The following HIF1A variants were observed in gnomAD, a reference collection of about 807,000 sequenced individuals.
The protein encoded by HIF1A is hypoxia-inducible factor 1-alpha.
A neutral mutation model predicts 92.7 loss-of-function variants in HIF1A; 24 were observed. The observed-to-expected ratio is 0.26, with a 90% CI of 0.19 to 0.36. HIF1A has a LOEUF of 0.36. HIF1A is among the 10% of genes least tolerant of loss of function. HIF1A has a pLI of 1.00. For missense variants in HIF1A, 799 were observed against 998.5 expected (o/e 0.80, Z 2.69); for synonymous variants, 319 against 338.7 (o/e 0.94, Z 0.64).
At chr14:61,735,839 C>G (rs1178426590) in intron 8 of HIF1A, among the ~76,000 whole-genome samples, 1 of 152,106 alleles carries the variant, frequency 6.6e-6, no homozygotes, top group African/African-American at 2.4e-5. Context: ...TAGATCATGC[C>G]TCACATATTG....
intron 1 of HIF1A, among the ~76,000 whole-genome samples, chr14:61,711,237 G>C (rs1290589596): frequency 8.7e-6 from 1 of 115,442 alleles, no homozygotes; most frequent in Non-Finnish European, 1.6e-5. Context: ...TTTTGAGACA[G>C]TGTCTTGCTC....
In HIF1A at chr14:61,747,440, A is replaced by G. The variant is rs1279938106; in HGVS notation, c.*355A>G. The G allele has an allele frequency of 1.9e-5, 3 of 160,082 alleles. No homozygotes were observed. In the East Asian group the frequency reaches 5.4e-4, roughly 29 times the overall value. The allele number at this position is 160,082 out of a possible 1,614,324, so 9.9% of individuals were successfully genotyped here. A position where few individuals can be genotyped will look rare whatever the true frequency, so the allele number is the denominator to read the frequency against. The stretch of plus-strand genomic sequence containing the variant: ...GCCAATATAATTTTTGTAAGAAGGC[A>G]GTAACCTTTCATCATGATCATAGGC... On this transcript the variant is annotated 3_prime_UTR_variant, in exon 15 of 15. Transcript: ENST00000337138.
At chr14:61,700,777 C>T (rs948005299) in intron 1 of HIF1A, among the ~76,000 whole-genome samples, 1 of 152,230 alleles carries the variant, frequency 6.6e-6, no homozygotes, top group Non-Finnish European at 1.5e-5. Flanking sequence ...TATTTCTCCA[C>T]ATCCTTCTAA....
intron 1 of HIF1A, among the ~76,000 whole-genome samples, chr14:61,712,275 A>G (rs1448022319): frequency 6.6e-6 from 1 of 152,040 alleles, no homozygotes; most frequent in Non-Finnish European, 1.5e-5. Context: ...CTAGGAGGCA[A>G]TGTGTTTGAA....
At chr14:61,729,628 T>C (rs191113515) in intron 6 of HIF1A, among the ~76,000 whole-genome samples, 4 of 152,306 alleles carry the variant, frequency 2.6e-5, no homozygotes, top group East Asian at 3.9e-4. Context: ...ACTACTAGCA[T>C]GTAAATGTAT....
chr14:61,718,216 G>T lies in HIF1A; in HGVS notation c.36-2166G>T, dbSNP rs566742528. 4.6e-5 allele frequency among the ~76,000 whole-genome samples: 7 copies of T among 152,260 alleles called. No individual in the cohort carries two copies. The South Asian group carries it at 1.5e-3, about 32-fold the overall frequency. On this transcript the variant is annotated intron_variant, in intron 1 of 14. Transcript: ENST00000337138. Reference sequence around the variant, plus strand: ...GCCTGTAATTTGAGCCCTTTGTGAGGCTGAGGCAGGAGAATTGCTTGAGCT... The same window carrying T: ...GCCTGTAATTTGAGCCCTTTGTGAGTCTGAGGCAGGAGAATTGCTTGAGCT...
rs371189823 is a variant in HIF1A at position 61,740,540 on chromosome 14, T to G, written c.1572T>G (p.Asp524Glu). The change falls in exon 11 of 15, where the codon GAT becomes GAG. Residue 524 changes from aspartate (D) to glutamate (E), a missense_variant. Physicochemically the swap from Asp to Glu is conservative, Grantham distance 45 (BLOSUM62 2). Coordinates refer to ENST00000337138, the MANE Select transcript of HIF1A (RefSeq NM_001530.4). The stretch of plus-strand genomic sequence containing the variant: ...CCAGTGAATATTGTTTTTATGTGGA[T>G]AGTGATATGGTCAATGAATTCAAGT... Reference protein sequence around the residue: ...NSPSEYCFYVDSDMVNEFKLE... With the variant: ...NSPSEYCFYVESDMVNEFKLE... 4 of 1,595,136 alleles carry G rather than the reference T, an allele frequency of 2.5e-6. No homozygotes were observed. In the African/African-American group the frequency reaches 5.4e-5, roughly 22 times the overall value.
intron 1 of HIF1A, chr14:61,697,851 A>T: frequency 6.6e-7 from 1 of 1,509,882 alleles, no homozygotes; most frequent in Admixed American, 2.3e-5. Flanking sequence ...TTCATTTTAA[A>T]TGAGCTCCCA....
At chr14:61,724,364 T>TCTCTCTCC (rs2044474536) in intron 4 of HIF1A, among the ~76,000 whole-genome samples, 1 of 149,214 alleles carries the variant, frequency 6.7e-6, no homozygotes, top group Non-Finnish European at 1.5e-5. Flanking sequence ...TCTCTCTCTC[T>TCTCTCTCC]CTCTCTCTCT....
At position 61,747,146 on chromosome 14, in the gene HIF1A, AT is replaced by A. The variant is rs750111993; in HGVS notation, c.*64del. ...GGTGGCTCATTACCTAAAGCAGTCT[AT>A]TTATATTTTCTACATCTAATTTTAG... On this transcript the variant is annotated 3_prime_UTR_variant, in exon 15 of 15. Coordinates refer to ENST00000337138, the MANE Select transcript of HIF1A (RefSeq NM_001530.4). 608 of 1,422,516 alleles carry A rather than the reference AT, an allele frequency of 4.3e-4. 4 individuals are homozygous for A. The highest frequency in any genetic ancestry group is 2.0e-3 in the South Asian group (143 of 71,720). 88.1% of individuals were successfully genotyped at this position (1,422,516 alleles called of 1,614,324 possible).
At chr14:61,740,720 C>T (rs754848431) in intron 11 of HIF1A, 35 bp from the exon 12 acceptor site, 3 of 1,566,114 alleles carry the variant, frequency 1.9e-6, no homozygotes, top group Non-Finnish European at 2.6e-6. Flanking sequence ...TAAGGTGTGG[C>T]CATTGTAAAA....
chr14:61,743,936 T>C (rs2044744938), intron 12 of HIF1A, among the ~76,000 whole-genome samples: 1 of 152,142 alleles, frequency 6.6e-6, no homozygotes, highest in African/African-American at 2.4e-5. Flanking sequence ...AGTTACCCAA[T>C]AGGCCTCAGG....
intron 10 of HIF1A, chr14:61,740,280 T>C: frequency 3.6e-6 from 1 of 278,546 alleles, no homozygotes; most frequent in Non-Finnish European, 6.8e-6. Flanking sequence ...TTGGCCAGGA[T>C]GGTCTCGATC....
chr14:61,713,918 G>A (rs1321863060), intron 1 of HIF1A, among the ~76,000 whole-genome samples: 1 of 152,160 alleles, frequency 6.6e-6, no homozygotes, highest in African/African-American at 2.4e-5. Flanking sequence ...GGTGTCCGCT[G>A]CAGAACTGAT....
At chr14:61,724,380 T>TCC (rs1555338419) in intron 4 of HIF1A, among the ~76,000 whole-genome samples, 51 of 139,696 alleles carry the variant, frequency 3.7e-4, no homozygotes, top group African/African-American at 7.1e-4. Context: ...TCTCTCTCTC[T>TCC]CCCCCTCCCT....
intron 1 of HIF1A, among the ~76,000 whole-genome samples, chr14:61,708,756 C>A (rs538151914): frequency 6.0e-4 from 92 of 152,264 alleles, no homozygotes; most frequent in African/African-American, 2.2e-3. Context: ...CAGCTTTGTT[C>A]TTTTGGCTTA....
chr14:61,701,471 A>G (rs561327234), intron 1 of HIF1A, among the ~76,000 whole-genome samples: 4 of 151,060 alleles, frequency 2.6e-5, no homozygotes, highest in Non-Finnish European at 5.9e-5. Flanking sequence ...TTTTTTTTCC[A>G]AGTAGTTTGG....
At chr14:61,705,868 T>C (rs1594858321) in intron 1 of HIF1A, among the ~76,000 whole-genome samples, 1 of 152,330 alleles carries the variant, frequency 6.6e-6, no homozygotes, top group Non-Finnish European at 1.5e-5. Flanking sequence ...TTCCAGAATC[T>C]TAATCATGGT....
At chr14:61,716,206 TTGA>T (rs1480936970) in intron 1 of HIF1A, among the ~76,000 whole-genome samples, 2 of 85,248 alleles carry the variant, frequency 2.3e-5, no homozygotes, top group African/African-American at 6.9e-5. Context: ...CATGGGGGAA[TTGA>T]TATACACATT....
Sources: gnomAD v4.1 joint callset for allele counts (sites outside exome capture counted in the v4.1 genomes callset) on GRCh38, gnomAD v4.1.1 for gene constraint, MANE v1.5 for transcripts, NCBI Gene and HGNC (gene_info 2026-07-23, HGNC 2026-07-21) for gene names.